The following CCDC39 variants were observed in gnomAD, a reference collection of about 807,000 sequenced individuals.
CCDC39 encodes coiled-coil domain 39 molecular ruler complex subunit.
CCDC39 carries 113 observed loss-of-function variants against 121.0 expected under a neutral mutation model. The ratio of observed to expected loss-of-function variants is 0.93; its 90% CI spans 0.80 to 1.09. The LOEUF (loss-of-function observed/expected upper bound fraction) is 1.09. Ranked by LOEUF, CCDC39 falls within the 50% of genes least tolerant of loss-of-function variation. CCDC39 has a pLI of 0.00. For missense variants in CCDC39, 1,063 were observed against 1,074.7 expected, an observed-to-expected ratio of 0.99 and a Z score of 0.15; for synonymous variants, 349 against 352.2, an observed-to-expected ratio of 0.99 and a Z score of 0.10.
At chr3:180,656,492 TATA>T (rs1711583589) in intron 6 of CCDC39, among the ~76,000 whole-genome samples, 1 of 152,146 alleles carries the variant, frequency 6.6e-6, no homozygotes, top group South Asian at 2.1e-4. Flanking sequence ...AACAAAAGAG[TATA>T]ATATCAGTTA....
chr3:180,631,707 G>C, intron 13 of CCDC39, 115 bp from the exon 14 acceptor site: 1 of 808,258 alleles, frequency 1.2e-6, no homozygotes, highest in South Asian at 1.7e-5. Flanking sequence ...ACTCAAACAG[G>C]TTAAATTTGT....
intron 3 of CCDC39, 118 bp from the exon 4 acceptor site, chr3:180,660,846 C>A (rs1711726305): frequency 1.4e-6 from 1 of 735,842 alleles, no homozygotes; most frequent in South Asian, 2.6e-5. Context: ...GAAATCCTGT[C>A]CCTGCCTTCC....
intron 13 of CCDC39, among the ~76,000 whole-genome samples, chr3:180,632,770 C>G (rs924945913): frequency 2.0e-5 from 3 of 151,954 alleles, no homozygotes; most frequent in Non-Finnish European, 4.4e-5. Flanking sequence ...GAAGCAGGAG[C>G]CATTTTCCAC....
At chr3:180,615,130 AG>A (rs1717182784) in intron 19 of CCDC39, 53 bp from the exon 20 acceptor site, 2 of 1,340,894 alleles carry the variant, frequency 1.5e-6, no homozygotes, top group African/African-American at 3.0e-5. Context: ...ATTTTAGTAT[AG>A]ACCCTCTCAT....
intron 13 of CCDC39, among the ~76,000 whole-genome samples, chr3:180,636,627 G>T (rs112737086): frequency 1.7e-4 from 26 of 151,572 alleles, no homozygotes; most frequent in African/African-American, 5.6e-4. Flanking sequence ...AATAGCCAAG[G>T]CAGTCCTAAA....
Position 180,631,612 on chromosome 3 carries a change from C to T in CCDC39, c.1875-20G>A, listed in dbSNP as rs73051759. The T allele has an allele frequency of 8.1e-4, 1,292 of 1,589,300 alleles. 13 individuals carry two copies. In the African/African-American group the frequency reaches 0.016, roughly 19 times the overall value. On this transcript the variant is annotated intron_variant, in intron 13 of 19. Coordinates refer to ENST00000476379, the MANE Select transcript of CCDC39 (RefSeq NM_181426.2). ...TCAGTGCTAATAAGAAAAAGAAACA[C>T]TGAGAAATGAATAACATACTTTACA...
At chr3:180,617,811 T>C (rs1421399103) in intron 16 of CCDC39, 1 of 225,426 alleles carries the variant, frequency 4.4e-6, no homozygotes, top group Non-Finnish European at 8.6e-6. Context: ...AATAAAATTA[T>C]TTTTATGAAT....
In CCDC39 at chr3:180,651,400, C is replaced by T. The variant is rs1292030955; in HGVS notation, c.1167+1G>A. ...AAAGAAAAATTAAAACTAAACTTTACCTTCACATCTTTTTCCTCCTCCTTT... is the reference window on the plus strand; with the variant it reads ...AAAGAAAAATTAAAACTAAACTTTATCTTCACATCTTTTTCCTCCTCCTTT... On this transcript the variant is annotated splice_donor_variant, in intron 9 of 19. Coordinates refer to ENST00000476379, the MANE Select transcript of CCDC39 (RefSeq NM_181426.2). LOFTEE classifies it high-confidence loss of function. 2 of 1,552,400 alleles carry T rather than the reference C, an allele frequency of 1.3e-6. No individual in the cohort carries two copies. The highest frequency in any genetic ancestry group is 1.7e-6 in the Non-Finnish European group (2 of 1,146,994).
At chr3:180,641,096 A>T (rs1352606099) in intron 13 of CCDC39, among the ~76,000 whole-genome samples, 1 of 152,112 alleles carries the variant, frequency 6.6e-6, no homozygotes, top group Non-Finnish European at 1.5e-5. Context: ...AGTTGGGTTT[A>T]TTCTAGAATG....
intron 1 of CCDC39, among the ~76,000 whole-genome samples, chr3:180,677,169 TATATA>T (rs1712250076): frequency 2.2e-4 from 1 of 4,560 alleles, no homozygotes; most frequent in East Asian, 0.013. Flanking sequence ...ATAATAATTT[TATATA>T]TATATATATA....
chr3:180,666,648 A>C (rs1340185597), intron 1 of CCDC39, among the ~76,000 whole-genome samples: 1 of 152,170 alleles, frequency 6.6e-6, no homozygotes, highest in African/African-American at 2.4e-5. Context: ...CTGACTTTTA[A>C]ATGAAAGCAT....
chr3:180,644,232 G>A lies in CCDC39; in HGVS notation c.1553C>T (p.Ala518Val). 7 of 1,528,738 alleles carry A rather than the reference G, an allele frequency of 4.6e-6. No individual in the cohort carries two copies. The highest frequency in any genetic ancestry group is 6.2e-6 in the Non-Finnish European group (7 of 1,136,960). 94.7% of individuals were successfully genotyped at this position (1,528,738 alleles called of 1,614,324 possible). ...TTTTTCATCACTGTTTTTACTATGT[G>A]CCTTCTTGATAAAATAAAGATCATT... Reference protein sequence around the residue: ...LHNDLYFIKKAHSKNSDEKQS... With the variant: ...LHNDLYFIKKVHSKNSDEKQS... The change falls in exon 12 of 20, where the codon GCA (alanine) becomes GTA (valine). Residue 518 changes from alanine to valine, a missense_variant. Ala to Val is a moderately conservative substitution (Grantham distance 64). Coordinates refer to ENST00000476379, the MANE Select transcript of CCDC39 (RefSeq NM_181426.2).
chr3:180,649,592 C>A (rs915222046), intron 9 of CCDC39, among the ~76,000 whole-genome samples: 2 of 152,050 alleles, frequency 1.3e-5, no homozygotes, highest in Non-Finnish European at 2.9e-5. Context: ...AGTTTTAAAG[C>A]CAATGCTTCG....
chr3:180,647,020 T>C (rs1718081535), intron 11 of CCDC39, 59 bp downstream of exon 11: 5 of 1,510,240 alleles, frequency 3.3e-6, no homozygotes, highest in Non-Finnish European at 4.5e-6. Flanking sequence ...AAGAACATGT[T>C]GTCCTAAAAC....
At chr3:180,657,236 G>A (rs912485097) in intron 6 of CCDC39, among the ~76,000 whole-genome samples, 5 of 152,150 alleles carry the variant, frequency 3.3e-5, no homozygotes, top group Non-Finnish European at 7.4e-5. Context: ...ACACTTAGAA[G>A]CATCCTGCTG....
intron 1 of CCDC39, among the ~76,000 whole-genome samples, chr3:180,666,664 A>ACT (rs1413357471): frequency 6.6e-6 from 1 of 152,140 alleles, no homozygotes; most frequent in Non-Finnish European, 1.5e-5. Context: ...AGCATAATTA[A>ACT]CTCTCCATAA....
chr3:180,627,298 A>G (rs1231735322), intron 14 of CCDC39, among the ~76,000 whole-genome samples: 2 of 152,246 alleles, frequency 1.3e-5, no homozygotes, highest in Non-Finnish European at 2.9e-5. Context: ...TAGAAATTAT[A>G]TCTAATTCCT....
intron 6 of CCDC39, among the ~76,000 whole-genome samples, chr3:180,655,478 G>A (rs1711558250): frequency 6.6e-6 from 1 of 151,298 alleles, no homozygotes; most frequent in South Asian, 2.1e-4. Context: ...AAGAGATGAT[G>A]AATTCTTTCC....
At chr3:180,662,849 A>C (rs902460655) in intron 2 of CCDC39, among the ~76,000 whole-genome samples, 4 of 152,148 alleles carry the variant, frequency 2.6e-5, no homozygotes, top group African/African-American at 4.8e-5. Context: ...TTGCTTTTTA[A>C]AATATGGCAC....
Sources: gnomAD v4.1 joint callset for allele counts (sites outside exome capture counted in the v4.1 genomes callset) on GRCh38, gnomAD v4.1.1 for gene constraint, MANE v1.5 for transcripts, NCBI Gene and HGNC (gene_info 2026-07-23, HGNC 2026-07-21) for gene names.